RDH13: variants seen among roughly 807,000 people sequenced by gnomAD.
RDH13 encodes the protein retinol dehydrogenase 13.
In RDH13, 35 loss-of-function variants were observed where a neutral mutation model predicts 28.3. That is an observed-to-expected ratio of 1.24 (90% CI 0.95 to 1.64). The LOEUF is 1.64. RDH13 is among the 40% of genes most tolerant of loss of function. The probability of loss-of-function intolerance (pLI) is 0.00; values close to 1 mark genes in which losing one functional copy is unlikely to be tolerated. For missense variants in RDH13, 514 were observed against 446.3 expected, an observed-to-expected ratio of 1.15 and a Z score of -1.37; for synonymous variants, 229 against 198.5, an observed-to-expected ratio of 1.15 and a Z score of -1.29.
intron 5 of RDH13, chr19:55,047,868 CTG>C: frequency 2.1e-6 from 1 of 481,922 alleles, no homozygotes; most frequent in Non-Finnish European, 3.7e-6. Context: ...AATCTCAGCA[CTG>C]TGGATGCTGT....
In RDH13 at chr19:55,044,541, C is replaced by CG. The variant is rs1430733849; in HGVS notation, c.*532dup. 1 of 152,836 alleles carries CG rather than the reference C, an allele frequency of 6.5e-6. No individual in the cohort carries two copies. Among genetic ancestry groups the CG allele is most frequent in the African/African-American group, 2.4e-5 (1 of 41,476 alleles). The allele number at this position is 152,836 out of a possible 1,614,324, so 9.5% of individuals were successfully genotyped here. On this transcript the variant is annotated 3_prime_UTR_variant, in exon 7 of 7. Transcript: ENST00000415061. ...ACAGGAAGCCCTCAGCAAACACCCC[C>CG]GGCACAGCCATGCCATAGCCAGACA... is the stretch of plus-strand genomic sequence containing the variant.
intron 1 of RDH13, among the ~76,000 whole-genome samples, chr19:55,061,791 CAAAA>C (rs60108220): frequency 9.7e-5 from 13 of 133,410 alleles, no homozygotes; most frequent in Non-Finnish European, 2.1e-4. Flanking sequence ...ACCCTGTCTC[CAAAA>C]AAAAAAAAAG....
chr19:55,043,920 CTTTT>C (rs1555812976), downstream of RDH13, among the ~76,000 whole-genome samples: 7 of 135,290 alleles, frequency 5.2e-5, no homozygotes, highest in East Asian at 9.1e-4. Context: ...AAAGTCGGAA[CTTTT>C]TTTTTTTTTT....
rs1045890146 is a variant in RDH13, at chr19:55,044,983, C to T, written c.*91G>A. On this transcript the variant is annotated 3_prime_UTR_variant, in exon 7 of 7. Transcript: ENST00000415061. ...TGGCGGCCGCCAGTCCTGGGTCTCCCGGCTCAGGTAGTGCCAGGAAGCTGC... is the reference window on the plus strand; with the variant it reads ...TGGCGGCCGCCAGTCCTGGGTCTCCTGGCTCAGGTAGTGCCAGGAAGCTGC... The T allele has an allele frequency of 1.0e-5, 10 of 998,002 alleles. No homozygotes were observed. Among genetic ancestry groups the T allele is most frequent in the Non-Finnish European group, 1.0e-5 (7 of 676,436 alleles). 61.8% of individuals were successfully genotyped at this position (998,002 alleles called of 1,614,324 possible).
downstream of RDH13, chr19:55,042,518 C>A (rs560397204): frequency 6.6e-6 from 1 of 152,062 alleles, no homozygotes; most frequent in African/African-American, 2.4e-5. Context: ...GTGAGTCCTA[C>A]GCACCTATTC....
chr19:55,059,531 G>A (rs115499123), intron 1 of RDH13, among the ~76,000 whole-genome samples: 1 of 151,680 alleles, frequency 6.6e-6, no homozygotes, highest in Non-Finnish European at 1.5e-5. Flanking sequence ...TCCCGGCCAG[G>A]TGAGGGGGCT....
intron 1 of RDH13, among the ~76,000 whole-genome samples, chr19:55,061,815 T>C (rs1408630169): frequency 6.9e-6 from 1 of 144,766 alleles, no homozygotes; most frequent in Non-Finnish European, 1.5e-5. Flanking sequence ...GACTACATGA[T>C]AATCATAAGA....
In RDH13 at chr19:55,063,012, C is replaced by T. The variant is rs1003354077; in HGVS notation, c.21G>A (p.Pro7=). MSRYLL[P]LSALGTVAGA... ...CTGCTACCGTGCCCAGCGCCGACAGCGGCAGCAGGTAGCGGCTCATGCCGG... is the reference window on the plus strand; with the variant it reads ...CTGCTACCGTGCCCAGCGCCGACAGTGGCAGCAGGTAGCGGCTCATGCCGG... The change falls in exon 1 of 7, where the codon CCG becomes CCA. Residue 7 remains proline, a synonymous_variant. Coordinates refer to ENST00000415061, the MANE Select transcript of RDH13 (RefSeq NM_001145971.2). The T allele has an allele frequency of 3.4e-6, 5 of 1,462,890 alleles. No individual in the cohort carries two copies. The highest frequency in any genetic ancestry group is 1.4e-5 in the South Asian group (1 of 72,728). 90.6% of individuals were successfully genotyped at this position (1,462,890 alleles called of 1,614,324 possible). A position where few individuals can be genotyped will look rare whatever the true frequency, so the allele number is the denominator to read the frequency against.
intron 3 of RDH13, among the ~76,000 whole-genome samples, chr19:55,055,171 G>T (rs1454213786): frequency 1.3e-5 from 2 of 151,758 alleles, no homozygotes; most frequent in Non-Finnish European, 2.9e-5. Context: ...CTTTTTTATT[G>T]AGACAGAGTC....
intron 1 of RDH13, among the ~76,000 whole-genome samples, chr19:55,061,351 G>A (rs1205507409): frequency 6.6e-5 from 10 of 151,958 alleles, no homozygotes; most frequent in Non-Finnish European, 1.5e-4. Context: ...GGCTGGTCTC[G>A]AACTCCTGAC....
In RDH13 at chr19:55,048,160, AG is replaced by A. The variant is rs2075299461; in HGVS notation, c.658+168del. The stretch of plus-strand genomic sequence containing the variant: ...ACAATCCTCAGAAGAACGATCGATT[AG>A]TGATGTCTGCTTCAGGCACCAGAAG... On this transcript the variant is annotated intron_variant, in intron 5 of 6. Coordinates refer to ENST00000415061, the MANE Select transcript of RDH13 (RefSeq NM_001145971.2). 12 of 1,534,710 alleles carry A rather than the reference AG, an allele frequency of 7.8e-6. No homozygotes were observed. In the South Asian group the frequency reaches 1.3e-4, roughly 17 times the overall value.
intron 6 of RDH13, 90 bp from the exon 7 acceptor site, chr19:55,045,399 G>T: frequency 2.0e-6 from 2 of 1,010,230 alleles, no homozygotes; most frequent in Admixed American, 2.2e-5. Context: ...CCGGGTCCCT[G>T]GAGTCCCACA....
intron 6 of RDH13, 81 bp from the exon 7 acceptor site, chr19:55,045,390 C>T (rs1035769153): frequency 8.1e-5 from 92 of 1,141,676 alleles, no homozygotes; most frequent in Middle Eastern, 2.5e-4. Context: ...CAGGGAGCTC[C>T]GGGTCCCTGG....
At chr19:55,065,766 G>A (rs2075948635), upstream of RDH13, among the ~76,000 whole-genome samples, 1 of 151,556 alleles carries the variant, frequency 6.6e-6, no homozygotes, top group Non-Finnish European at 1.5e-5. Flanking sequence ...TGCCCAGGCT[G>A]GAGCGCAGTG....
At chr19:55,058,356 C>A (rs922920073) in intron 2 of RDH13, among the ~76,000 whole-genome samples, 1 of 151,586 alleles carries the variant, frequency 6.6e-6, no homozygotes, top group African/African-American at 2.4e-5. Context: ...CCACTGCACT[C>A]CAGCCTGGGC....
chr19:55,054,871 A>G (rs1251739052), intron 3 of RDH13, among the ~76,000 whole-genome samples: 1 of 152,044 alleles, frequency 6.6e-6, no homozygotes, highest in Non-Finnish European at 1.5e-5. Context: ...TAAGTATTTG[A>G]GGTAATGCAT....
Position 55,062,966 on chromosome 19 carries a change from A to C in RDH13, c.65+2T>G. On this transcript the variant is annotated splice_donor_variant, in intron 1 of 6. Coordinates refer to ENST00000415061, the MANE Select transcript of RDH13 (RefSeq NM_001145971.2). LOFTEE classifies it high-confidence loss of function. ...GCGCACGCGGGGCTAGAATGTACTC[A>C]CTTGAGCAGCACGGCGGCGCCTGCT... 1 of 1,481,936 alleles carries C rather than the reference A, an allele frequency of 6.7e-7. No individual in the cohort carries two copies. The highest frequency in any genetic ancestry group is 8.9e-7 in the Non-Finnish European group (1 of 1,119,782). 91.8% of individuals were successfully genotyped at this position (1,481,936 alleles called of 1,614,324 possible). A position where few individuals can be genotyped will look rare whatever the true frequency, so the allele number is the denominator to read the frequency against.
intron 3 of RDH13, among the ~76,000 whole-genome samples, chr19:55,049,026 A>ACAGCT (rs1164867786): frequency 6.6e-6 from 1 of 152,162 alleles, no homozygotes; most frequent in Non-Finnish European, 1.5e-5. Flanking sequence ...CCGGAGAGGC[A>ACAGCT]CAGCTCCAAG....
At position 55,045,220 on chromosome 19, in the gene RDH13, A is replaced by C; in HGVS notation, c.850T>G (p.Ser284Ala). 1 of 1,613,442 alleles carries C rather than the reference A, an allele frequency of 6.2e-7. No homozygotes were observed. Among genetic ancestry groups the C allele is most frequent in the Non-Finnish European group, 8.5e-7 (1 of 1,180,026 alleles). ...LAVAEELADVSGKYFDGLKQK... is the reference protein window; with the variant it reads ...LAVAEELADVAGKYFDGLKQK... ...TTGAGTCCATCGAAGTACTTTCCGGAAACATCCGCCAGTTCCTCCGCCACG... is the reference window on the plus strand; with the variant it reads ...TTGAGTCCATCGAAGTACTTTCCGGCAACATCCGCCAGTTCCTCCGCCACG... The change falls in exon 7 of 7, where the codon TCC (serine) becomes GCC (alanine). Residue 284 changes from serine to alanine, a missense_variant. Coordinates refer to ENST00000415061, the MANE Select transcript of RDH13 (RefSeq NM_001145971.2).
Sources: gnomAD v4.1 joint callset for allele counts (sites outside exome capture counted in the v4.1 genomes callset) on GRCh38, gnomAD v4.1.1 for gene constraint, MANE v1.5 for transcripts, NCBI Gene and HGNC (gene_info 2026-07-23, HGNC 2026-07-21) for gene names.